Variants in SLC9A6 observed in about 807,000 individuals in gnomAD.
The protein encoded by SLC9A6 is sodium/hydrogen exchanger 6.
Under a neutral mutation model 45.3 loss-of-function variants are expected in SLC9A6, and 6 were observed. The ratio of observed to expected loss-of-function variants is 0.13; its 90% confidence interval spans 0.07 to 0.26. The LOEUF (loss-of-function observed/expected upper bound fraction) is 0.26, where lower values mean the gene tolerates loss of function less well. Among genes scored for constraint, SLC9A6 ranks in the 10% least tolerant of loss-of-function variants. The pLI, the probability that SLC9A6 is intolerant of heterozygous loss-of-function variation, is 1.00. For missense variants in SLC9A6, 278 were observed against 503.7 expected, an observed-to-expected ratio of 0.55 and a Z score of 4.29; for synonymous variants, 191 against 187.7, an observed-to-expected ratio of 1.02 and a Z score of -0.14.
At chrX:136,028,510 T>C (rs1160199874) in intron 13 of SLC9A6, among the ~76,000 whole-genome samples, 2 of 112,542 alleles carry the variant, frequency 1.8e-5, no homozygotes, top group African/African-American at 6.5e-5. Flanking sequence ...TAAATGTTTA[T>C]TACATTGACT....
At chrX:135,985,303 T>C (rs2148128732), upstream of SLC9A6, 2 of 293,268 alleles carry the variant, frequency 6.8e-6, no homozygotes, top group East Asian at 5.3e-5. Flanking sequence ...GCAGCGCCTG[T>C]GGGTGCGTGT....
chrX:136,044,782 T>C lies in SLC9A6; in HGVS notation c.*58T>C, dbSNP rs782510613. 1.9e-5 allele frequency: 20 copies of C among 1,072,393 alleles called. No individual in the cohort carries two copies. The highest frequency in any genetic ancestry group is 2.5e-5 in the Non-Finnish European group (19 of 770,032). 88.4% of individuals were successfully genotyped at this position (1,072,393 alleles called of 1,213,427 possible). A position where few individuals can be genotyped will look rare whatever the true frequency, so the allele number is the denominator to read the frequency against. Reference sequence around the variant, plus strand: ...TTTGCACATGTGATTGTGAAGAAATTTGTACTACCTAAAAGTCCCAGTGCA... The same window carrying C: ...TTTGCACATGTGATTGTGAAGAAATCTGTACTACCTAAAAGTCCCAGTGCA... On this transcript the variant is annotated 3_prime_UTR_variant, in exon 18 of 18. Transcript: ENST00000630721.
chrX:136,018,433 A>G (rs547313852), intron 11 of SLC9A6, among the ~76,000 whole-genome samples: 18 of 112,291 alleles, frequency 1.6e-4, no homozygotes, highest in South Asian at 7.4e-4. Flanking sequence ...GGCTCCTTCC[A>G]GGTTTGGAGT....
chrX:136,031,976 A>C (rs963126369), intron 15 of SLC9A6, among the ~76,000 whole-genome samples: 9 of 112,731 alleles, frequency 8.0e-5, no homozygotes, highest in African/African-American at 2.9e-4. Flanking sequence ...ACGTTGAAGC[A>C]GAGAGAAATT....
At position 136,023,497 on chromosome X, in the gene SLC9A6, A is replaced by G. The variant is rs908082071; in HGVS notation, c.1306+800A>G. 4.6e-5 allele frequency among the ~76,000 whole-genome samples: 5 copies of G among 109,063 alleles called. No individual in the cohort carries two copies. In the South Asian group the frequency reaches 2.0e-3, roughly 44 times the overall value. 94.7% of individuals were successfully genotyped at this position (109,063 alleles called of 115,157 possible). Reference sequence around the variant, plus strand: ...AGAACAAACAATTTACCCATACAGCATGGATGAATCTCAGAGGCATTATGC... The same window carrying G: ...AGAACAAACAATTTACCCATACAGCGTGGATGAATCTCAGAGGCATTATGC... On this transcript the variant is annotated intron_variant, in intron 12 of 17. Transcript: ENST00000630721.
intron 2 of SLC9A6, among the ~76,000 whole-genome samples, chrX:135,990,926 A>G (rs1379713349): frequency 8.9e-6 from 1 of 111,847 alleles, no homozygotes; most frequent in Non-Finnish European, 1.9e-5. Flanking sequence ...GAGCCTCTTA[A>G]TTAGCTCTTG....
At position 136,044,738 on chromosome X, in the gene SLC9A6, C is replaced by CA; in HGVS notation, c.*15dup. On this transcript the variant is annotated 3_prime_UTR_variant, in exon 18 of 18. Transcript: ENST00000630721. ...GGTCCAGCCTAAGCTTACTAATACT[C>CA]ACTTAGTGATTTGTAAAATTTGCAC... 1 of 1,205,320 alleles carries CA rather than the reference C, an allele frequency of 8.3e-7. No homozygotes were observed. Among genetic ancestry groups the CA allele is most frequent in the East Asian group, 3.0e-5 (1 of 33,815 alleles).
In SLC9A6 at chrX:136,010,136, A is replaced by G. The variant is rs181838092; in HGVS notation, c.744-306A>G. ...CTCAGTACTAGTAATTCTGAAACAG[A>G]ATCACAAAAGAATAATACTGCACAG... On this transcript the variant is annotated intron_variant, in intron 7 of 17. Coordinates refer to ENST00000630721, the MANE Select transcript of SLC9A6 (RefSeq NM_001379110.1). 1.6e-5 allele frequency: 5 copies of G among 304,071 alleles called. No individual in the cohort carries two copies. The East Asian group carries it at 3.1e-4, about 19-fold the overall frequency. 25.1% of individuals were successfully genotyped at this position (304,071 alleles called of 1,213,427 possible). A position where few individuals can be genotyped will look rare whatever the true frequency, so the allele number is the denominator to read the frequency against.
intron 15 of SLC9A6, chrX:136,030,402 G>A (rs2071300009): frequency 4.9e-6 from 2 of 409,769 alleles, no homozygotes; most frequent in Non-Finnish European, 8.6e-6. Context: ...GGGCCATCCT[G>A]CCTGGGCTTT....
At chrX:136,014,493 T>C (rs1223777879) in intron 10 of SLC9A6, among the ~76,000 whole-genome samples, 1 of 112,817 alleles carries the variant, frequency 8.9e-6, no homozygotes, top group Non-Finnish European at 1.9e-5. Context: ...GGCCGGGCGC[T>C]GTGGCTCACG....
upstream of SLC9A6, chrX:135,973,934 C>T: frequency 8.8e-7 from 1 of 1,131,237 alleles, no homozygotes; most frequent in South Asian, 2.0e-5. Flanking sequence ...AGGGCCGGAG[C>T]CCAACGGAGT....
intron 10 of SLC9A6, among the ~76,000 whole-genome samples, chrX:136,013,829 A>G (rs1556618963): frequency 8.9e-6 from 1 of 112,487 alleles, no homozygotes; most frequent in Non-Finnish European, 1.9e-5. Context: ...AAGAGATGAC[A>G]TAAAGAAAAT....
At chrX:136,007,290 G>C (rs1015792913) in intron 7 of SLC9A6, among the ~76,000 whole-genome samples, 2 of 109,364 alleles carry the variant, frequency 1.8e-5, no homozygotes, top group African/African-American at 3.3e-5. Context: ...GTCATCAATG[G>C]GGGGGGGTTC....
chrX:136,022,850 C>T (rs1231031365), intron 12 of SLC9A6, among the ~76,000 whole-genome samples, 153 bp downstream of exon 12: 2 of 109,902 alleles, frequency 1.8e-5, no homozygotes, highest in Non-Finnish European at 3.8e-5. Flanking sequence ...CACTCTGTCG[C>T]CCAGGCTGTA....
chrX:136,002,526 G>A (rs1231350274), intron 7 of SLC9A6, among the ~76,000 whole-genome samples: 1 of 110,789 alleles, frequency 9.0e-6, no homozygotes, highest in Non-Finnish European at 1.9e-5. Context: ...ATTACAACAT[G>A]AGCATTTAAT....
At chrX:135,985,381 G>C (rs1556614640), upstream of SLC9A6, 2 of 385,819 alleles carry the variant, frequency 5.2e-6, no homozygotes, top group Non-Finnish European at 8.0e-6. Context: ...CTTTAAGAGC[G>C]GCGGCGGCGG....
At chrX:136,022,036 A>G (rs1415269114) in intron 11 of SLC9A6, among the ~76,000 whole-genome samples, 3 of 111,806 alleles carry the variant, frequency 2.7e-5, no homozygotes, top group Non-Finnish European at 5.6e-5. Context: ...TGGAAGTATA[A>G]ACTTAGTGGA....
At chrX:135,997,398 CTTTTTTTTTTTTTT>C (rs1180028983) in intron 3 of SLC9A6, among the ~76,000 whole-genome samples, 1 of 63,304 alleles carries the variant, frequency 1.6e-5, no homozygotes, top group African/African-American at 6.6e-5. Flanking sequence ...CATGCTTTCT[CTTTTTTTTTTTTTT>C]TTTTTTTTTT....
chrX:136,010,262 T>A, intron 7 of SLC9A6, 180 bp from the exon 8 acceptor site: 1 of 262,923 alleles, frequency 3.8e-6, no homozygotes. Context: ...GAAAGCCAAG[T>A]TTTCTTGCTA....
Sources: gnomAD v4.1 joint callset for allele counts (sites outside exome capture counted in the v4.1 genomes callset) on GRCh38, gnomAD v4.1.1 for gene constraint, MANE v1.5 for transcripts, NCBI Gene and HGNC (gene_info 2026-07-23, HGNC 2026-07-21) for gene names.